TNIK: variants seen among roughly 807,000 people sequenced by gnomAD.
TNIK encodes the protein TRAF2 and NCK interacting kinase.
TNIK carries 49 observed loss-of-function variants against 191.3 expected under a neutral mutation model. The observed-to-expected ratio is 0.26, with a 90% CI of 0.20 to 0.32. The LOEUF (loss-of-function observed/expected upper bound fraction) is 0.32. Among genes scored for constraint, TNIK ranks in the 10% least tolerant of loss-of-function variants. The pLI is 1.00. For synonymous variants in TNIK, 594 were observed against 600.9 expected (o/e 0.99, Z 0.17); for missense variants, 1,155 against 1,702.3 (o/e 0.68, Z 5.66).
intron 1 of TNIK, among the ~76,000 whole-genome samples, chr3:171,406,185 C>T (rs768462268): frequency 3.8e-4 from 58 of 152,072 alleles, no homozygotes; most frequent in Admixed American, 7.2e-4. Context: ...AGAGCACCTA[C>T]TTACCATGGG....
intron 2 of TNIK, among the ~76,000 whole-genome samples, chr3:171,336,096 T>C (rs1372853815): frequency 1.3e-5 from 2 of 152,176 alleles, no homozygotes; most frequent in Non-Finnish European, 2.9e-5. Context: ...ACTGAGTATC[T>C]AGTAATGGAA....
In TNIK at chr3:171,206,169, G is replaced by T. The variant is rs552876373; in HGVS notation, c.306+4947C>A. Among the ~76,000 whole-genome samples, 53 of 151,916 alleles carry T rather than the reference G, an allele frequency of 3.5e-4. 1 individual carries two copies. The South Asian group carries it at 0.011, about 32-fold the overall frequency. The stretch of plus-strand genomic sequence containing the variant: ...TAAAATAAGTACTTTCATAAATTTT[G>T]TTCACTGTTATATCCTGAGTGCTTG... On this transcript the variant is annotated intron_variant, in intron 4 of 32. Transcript: ENST00000436636.
In TNIK at chr3:171,101,307, C is replaced by G. The variant is rs1576806348; in HGVS notation, c.2591+142G>C. 8 of 876,750 alleles carry G rather than the reference C, an allele frequency of 9.1e-6. No homozygotes were observed. In the East Asian group the frequency reaches 2.0e-4, roughly 22 times the overall value. The allele number at this position is 876,750 out of a possible 1,614,324, so 54.3% of individuals were successfully genotyped here. A position where few individuals can be genotyped will look rare whatever the true frequency, so the allele number is the denominator to read the frequency against. ...ATAGAGATAATTATAGAACTATGCT[C>G]CAACAAAAACCCAAGTCCCGAAAGT... On this transcript the variant is annotated intron_variant, in intron 22 of 32. Coordinates refer to ENST00000436636, the MANE Select transcript of TNIK (RefSeq NM_015028.4).
chr3:171,349,935 T>C (rs1115217), intron 2 of TNIK, among the ~76,000 whole-genome samples: 44,791 of 152,002 alleles, frequency 0.29, 7,288 homozygotes, highest in East Asian at 0.52. Flanking sequence ...CAAAGCAAGA[T>C]CTTAAGTTGT....
chr3:171,240,071 G>A lies in TNIK; in HGVS notation c.124-11850C>T, dbSNP rs145429898. 2.6e-3 allele frequency among the ~76,000 whole-genome samples: 403 copies of A among 152,276 alleles called. 4 individuals are homozygous for A. Among genetic ancestry groups the A allele is most frequent in the African/African-American group, 9.0e-3 (374 of 41,552 alleles). ...TTGATTTATAGTTAAATTTAGCTGC[G>A]ATCCAACTGTGACCTATCAGGTAGC... On this transcript the variant is annotated intron_variant, in intron 2 of 32. Coordinates refer to ENST00000436636, the MANE Select transcript of TNIK (RefSeq NM_015028.4).
intron 7 of TNIK, among the ~76,000 whole-genome samples, chr3:171,178,313 G>C (rs565381783): frequency 6.6e-6 from 1 of 152,302 alleles, no homozygotes; most frequent in Admixed American, 6.5e-5. Context: ...GAGACTTTTT[G>C]ATGATGGCAT....
At chr3:171,449,424 ATCTG>A (rs1479467011) in intron 1 of TNIK, among the ~76,000 whole-genome samples, 2 of 152,236 alleles carry the variant, frequency 1.3e-5, no homozygotes, top group Admixed American at 6.5e-5. Context: ...GTTTCCTGTA[ATCTG>A]TCTACCTTTT....
intron 2 of TNIK, among the ~76,000 whole-genome samples, chr3:171,229,695 C>T (rs1743374624): frequency 6.6e-6 from 1 of 152,164 alleles, no homozygotes; most frequent in African/African-American, 2.4e-5. Flanking sequence ...TCTCACATAT[C>T]TCAGCTTTAA....
chr3:171,310,512 G>A (rs920336286), intron 2 of TNIK, among the ~76,000 whole-genome samples: 1 of 152,038 alleles, frequency 6.6e-6, no homozygotes, highest in Non-Finnish European at 1.5e-5. Flanking sequence ...GAGATAAAAG[G>A]GTAAGCAAAT....
chr3:171,443,978 G>A (rs1727163872), intron 1 of TNIK, among the ~76,000 whole-genome samples: 1 of 152,180 alleles, frequency 6.6e-6, no homozygotes, highest in Admixed American at 6.5e-5. Context: ...CTAGTCTGAT[G>A]ATGATTGTCT....
chr3:171,377,305 T>G (rs11926949), intron 1 of TNIK, among the ~76,000 whole-genome samples: 11 of 152,102 alleles, frequency 7.2e-5, no homozygotes, highest in African/African-American at 2.7e-4. Context: ...CCTCACCTCC[T>G]GTTTGGTTTG....
At chr3:171,205,688 C>T (rs1739973295) in intron 4 of TNIK, among the ~76,000 whole-genome samples, 1 of 152,178 alleles carries the variant, frequency 6.6e-6, no homozygotes, top group Admixed American at 6.5e-5. Context: ...GTGACCCCTT[C>T]AGTATGTGGG....
At chr3:171,194,203 T>C (rs1738386515) in intron 5 of TNIK, among the ~76,000 whole-genome samples, 1 of 152,178 alleles carries the variant, frequency 6.6e-6, no homozygotes, top group Non-Finnish European at 1.5e-5. Context: ...AGTGGAACAC[T>C]GTCTTTATGA....
intron 3 of TNIK, among the ~76,000 whole-genome samples, chr3:171,222,268 C>T (rs1170253154): frequency 6.6e-6 from 1 of 152,066 alleles, no homozygotes; most frequent in Non-Finnish European, 1.5e-5. Context: ...ATTTGAATTC[C>T]AACCCTGCCA....
intron 1 of TNIK, among the ~76,000 whole-genome samples, chr3:171,449,302 G>T (rs1404608719): frequency 6.6e-6 from 1 of 152,044 alleles, no homozygotes; most frequent in Non-Finnish European, 1.5e-5. Flanking sequence ...GGTATTTCTG[G>T]TTCTAGATCT....
chr3:171,413,017 C>G (rs978810241), intron 1 of TNIK, among the ~76,000 whole-genome samples: 1 of 152,184 alleles, frequency 6.6e-6, no homozygotes, highest in Admixed American at 6.5e-5. Context: ...AATTTCCTCT[C>G]CAGAGCCTCA....
intron 23 of TNIK, among the ~76,000 whole-genome samples, chr3:171,088,946 G>GACCA (rs1721704219): frequency 3.3e-5 from 5 of 152,184 alleles, no homozygotes. Flanking sequence ...GTTTCATGCT[G>GACCA]TTTCTTTGAC....
chr3:171,341,294 G>A (rs1044102388), intron 2 of TNIK, among the ~76,000 whole-genome samples: 8 of 151,666 alleles, frequency 5.3e-5, no homozygotes, highest in African/African-American at 1.9e-4. Flanking sequence ...CTAACATGGT[G>A]AAACCCCTTC....
chr3:171,441,653 T>C (rs960625887), intron 1 of TNIK, among the ~76,000 whole-genome samples: 1 of 152,218 alleles, frequency 6.6e-6, no homozygotes, highest in African/African-American at 2.4e-5. Flanking sequence ...TATGTTTTCA[T>C]TTCTCTTGGG....
Sources: allele counts gnomAD v4.1 joint callset (sites outside exome capture counted in the v4.1 genomes callset), GRCh38; gene constraint gnomAD v4.1.1; transcripts MANE v1.5; gene names NCBI Gene and HGNC (gene_info 2026-07-23, HGNC 2026-07-21).